The following NRG1 variants were observed in gnomAD, a reference collection of about 807,000 sequenced individuals.
NRG1 encodes pro-neuregulin-1, membrane-bound isoform.
NRG1 carries 18 observed loss-of-function variants against 63.8 expected under a neutral mutation model. The observed-to-expected ratio is 0.28, with a 90% CI of 0.19 to 0.42. NRG1 has a LOEUF of 0.42. Ranked by LOEUF, NRG1 falls within the 10% of genes least tolerant of loss-of-function variation. NRG1 has a pLI of 1.00. For missense variants in NRG1, 762 were observed against 814.7 expected (o/e 0.94, Z 0.79); for synonymous variants, 302 against 301.3 (o/e 1.00, Z -0.02).
At chr8:32,420,791 C>T (rs746220816) in intron 1 of NRG1, among the ~76,000 whole-genome samples, 1 of 152,136 alleles carries the variant, frequency 6.6e-6, no homozygotes, top group Non-Finnish European at 1.5e-5. Context: ...TGTCTCCACC[C>T]AAATCTCACC....
chr8:32,478,265 G>T (rs1477494364), intron 1 of NRG1, among the ~76,000 whole-genome samples: 5 of 22,148 alleles, frequency 2.3e-4, no homozygotes, highest in South Asian at 2.4e-3. Context: ...TCTTCCATGT[G>T]GGGGGGCCTT....
intron 5 of NRG1, among the ~76,000 whole-genome samples, chr8:32,707,853 G>T (rs1816820968): frequency 1.3e-5 from 2 of 151,704 alleles, no homozygotes; most frequent in African/African-American, 4.8e-5. Flanking sequence ...AGCCTGGTAA[G>T]CATCTTTGTT....
chr8:32,280,781 A>T, intron 1 of NRG1, among the ~76,000 whole-genome samples: 1 of 47,052 alleles, frequency 2.1e-5, no homozygotes, highest in Non-Finnish European at 4.0e-5. Flanking sequence ...TTTTTTTTTG[A>T]GACAGAGTCT....
chr8:31,676,061 C>G (rs1175539571), intron 1 of NRG1, among the ~76,000 whole-genome samples: 1 of 152,020 alleles, frequency 6.6e-6, no homozygotes, highest in African/African-American at 2.4e-5. Flanking sequence ...CTTTCTAGGG[C>G]TTATTTCCAT....
chr8:32,247,735 T>G (rs1353547553), intron 1 of NRG1, among the ~76,000 whole-genome samples: 1 of 152,006 alleles, frequency 6.6e-6, no homozygotes, highest in East Asian at 1.9e-4. Flanking sequence ...AATCTTAGCT[T>G]TTTCAAAAGG....
chr8:32,507,611 A>C (rs2129498950), intron 1 of NRG1, among the ~76,000 whole-genome samples: 1 of 152,362 alleles, frequency 6.6e-6, no homozygotes, highest in South Asian at 2.1e-4. Context: ...CAGTCCCATT[A>C]AAGAGTAACA....
chr8:31,927,740 G>A (rs368845215), intron 1 of NRG1, among the ~76,000 whole-genome samples: 2 of 150,542 alleles, frequency 1.3e-5, no homozygotes, highest in South Asian at 2.1e-4. Context: ...GAGCCACCGC[G>A]CCCGGCCTAC....
At chr8:32,472,084 C>A (rs1823919194) in intron 1 of NRG1, among the ~76,000 whole-genome samples, 1 of 152,318 alleles carries the variant, frequency 6.6e-6, no homozygotes, top group South Asian at 2.1e-4. Context: ...TACAAAGCCA[C>A]TGGGAATTTA....
chr8:32,301,499 T>C (rs1393210495), intron 1 of NRG1, among the ~76,000 whole-genome samples: 2 of 152,192 alleles, frequency 1.3e-5, no homozygotes, highest in Non-Finnish European at 1.5e-5. Flanking sequence ...ATATCTCTAA[T>C]AGATCTCAAG....
chr8:32,037,830 C>T (rs1462032085), intron 1 of NRG1, among the ~76,000 whole-genome samples: 1 of 152,152 alleles, frequency 6.6e-6, no homozygotes, highest in Admixed American at 6.5e-5. Context: ...GCCACCCCTT[C>T]CCCCACCGAA....
At chr8:32,749,686 C>G (rs1828295107) in intron 7 of NRG1, 1 of 1,149,064 alleles carries the variant, frequency 8.7e-7, no homozygotes, top group Admixed American at 2.2e-5. Context: ...TAACTAATTT[C>G]CTTTTTCTTT....
At chr8:31,978,561 G>C (rs1808570274) in intron 1 of NRG1, among the ~76,000 whole-genome samples, 1 of 151,996 alleles carries the variant, frequency 6.6e-6, no homozygotes, top group Non-Finnish European at 1.5e-5. Context: ...AATTCATTTT[G>C]TGTGAGTTGG....
chr8:32,212,751 T>G (rs1844821869), intron 1 of NRG1, among the ~76,000 whole-genome samples: 1 of 152,170 alleles, frequency 6.6e-6, no homozygotes, highest in African/African-American at 2.4e-5. Context: ...GAAATCAACA[T>G]TCCAGCAATA....
At chr8:32,103,511 C>CTT (rs1830842036) in intron 1 of NRG1, among the ~76,000 whole-genome samples, 1 of 152,178 alleles carries the variant, frequency 6.6e-6, no homozygotes. Context: ...GCAGGTATCT[C>CTT]TTTGACATGC....
At chr8:32,555,656 A>G (rs1299492355) in intron 1 of NRG1, among the ~76,000 whole-genome samples, 1 of 152,092 alleles carries the variant, frequency 6.6e-6, no homozygotes, top group East Asian at 1.9e-4. Context: ...TATTTCTAGT[A>G]GAGACGGGGT....
intron 1 of NRG1, among the ~76,000 whole-genome samples, chr8:32,312,025 G>A (rs915911270): frequency 2.6e-5 from 4 of 152,170 alleles, no homozygotes; most frequent in South Asian, 2.1e-4. Context: ...TTGAGGAACT[G>A]TCCCACGGCA....
chr8:32,772,449 A>G (rs1267672027), downstream of NRG1, among the ~76,000 whole-genome samples: 1 of 152,148 alleles, frequency 6.6e-6, no homozygotes, highest in Non-Finnish European at 1.5e-5. Flanking sequence ...AAAACTTTTT[A>G]TTGAAAACAA....
intron 5 of NRG1, among the ~76,000 whole-genome samples, chr8:32,702,462 T>G (rs1815169567): frequency 6.6e-6 from 1 of 152,240 alleles, no homozygotes; most frequent in African/African-American, 2.4e-5. Flanking sequence ...AATGGATTAA[T>G]ATATGATTCT....
At chr8:32,530,213 T>G (rs143436552) in intron 1 of NRG1, among the ~76,000 whole-genome samples, 3,724 of 152,180 alleles carry the variant, frequency 0.024, 141 homozygotes, top group African/African-American at 0.084. Context: ...GTTCATGCCA[T>G]TCTCCTGCCT....
Sources: allele counts gnomAD v4.1 joint callset (sites outside exome capture counted in the v4.1 genomes callset), GRCh38; gene constraint gnomAD v4.1.1; transcripts MANE v1.5; gene names NCBI Gene and HGNC (gene_info 2026-07-23, HGNC 2026-07-21).